Variants in COL4A2 observed in about 807,000 individuals in gnomAD.
COL4A2 encodes the protein collagen type IV alpha 2 chain.
In COL4A2, 99 loss-of-function variants were observed where a neutral mutation model predicts 200.2. The ratio of observed to expected loss-of-function variants is 0.49; its 90% CI spans 0.42 to 0.58. COL4A2 has a LOEUF of 0.58. COL4A2 is among the 20% of genes least tolerant of loss of function. COL4A2 has a pLI of 0.00. For missense variants in COL4A2, 1,950 were observed against 2,314.1 expected, an observed-to-expected ratio of 0.84 and a Z score of 3.23; for synonymous variants, 897 against 900.6, an observed-to-expected ratio of 1.00 and a Z score of 0.07.
Position 110,503,917 on chromosome 13 carries a change from A to G in COL4A2, c.4209A>G (p.Thr1403=), listed in dbSNP as rs1883746258. The stretch of plus-strand genomic sequence containing the variant: ...AGAAGATTGCCGTCCAACCAGGGAC[A>G]GTGGGTCCCCAGGGGAGGCGAGGCC... ...IPQKIAVQPG[T]VGPQGRRGPP... Residue 1403 remains threonine (T), a synonymous_variant, in exon 44 of 48, where the codon ACA becomes ACG. Transcript: ENST00000360467. The G allele has an allele frequency of 6.2e-7, 1 of 1,610,832 alleles. No homozygotes were observed. Among genetic ancestry groups the G allele is most frequent in the Non-Finnish European group, 8.5e-7 (1 of 1,177,748 alleles).
At chr13:110,325,429 TCAGA>T (rs776824848) in intron 3 of COL4A2, among the ~76,000 whole-genome samples, 1 of 152,338 alleles carries the variant, frequency 6.6e-6, no homozygotes, top group East Asian at 1.9e-4. Context: ...AAAACATCTC[TCAGA>T]CAGAGTCCTT....
In COL4A2 at chr13:110,390,523, G is replaced by A. The variant is rs568045961; in HGVS notation, c.180+32971G>A. Among the ~76,000 whole-genome samples, 4 of 152,312 alleles carry A rather than the reference G, an allele frequency of 2.6e-5. No homozygotes were observed. In the South Asian group the frequency reaches 6.2e-4, roughly 24 times the overall value. ...TGCCATGGGTGAGGAGCAGAACCTG[G>A]TCCACACTCACTCTGGTAAACTGAC... On this transcript the variant is annotated intron_variant, in intron 4 of 47. Transcript: ENST00000360467.
At chr13:110,337,283 C>T (rs1286014211) in intron 3 of COL4A2, among the ~76,000 whole-genome samples, 1 of 152,276 alleles carries the variant, frequency 6.6e-6, no homozygotes, top group African/African-American at 2.4e-5. Context: ...CCACTGGGCT[C>T]GTGTGAAGGA....
intron 4 of COL4A2, among the ~76,000 whole-genome samples, chr13:110,365,888 C>A (rs9515197): frequency 0.4 from 60,734 of 152,072 alleles, 12,262 homozygotes; most frequent in Middle Eastern, 0.56. Flanking sequence ...TCCAAAGCTC[C>A]ACACTCCATC....
At chr13:110,434,253 C>T (rs1028185324) in intron 11 of COL4A2, 148 bp from the exon 12 acceptor site, 2 of 686,630 alleles carry the variant, frequency 2.9e-6, no homozygotes, top group Non-Finnish European at 4.9e-6. Context: ...TTAGTTTCTA[C>T]AATGCAAAGC....
chr13:110,430,353 A>C (rs1880629311), intron 8 of COL4A2, 48 bp from the exon 9 acceptor site: 2 of 1,598,266 alleles, frequency 1.3e-6, no homozygotes, highest in South Asian at 2.3e-5. Context: ...AAGTAAATCT[A>C]AAGATGGTTA....
chr13:110,430,780 T>C, intron 10 of COL4A2, 173 bp downstream of exon 10: 1 of 943,448 alleles, frequency 1.1e-6, no homozygotes, highest in Non-Finnish European at 1.7e-6. Context: ...ACTTTGCTGC[T>C]GTTAAGGTTG....
At chr13:110,407,512 T>TA (rs1482299811) in intron 4 of COL4A2, among the ~76,000 whole-genome samples, 2 of 152,186 alleles carry the variant, frequency 1.3e-5, no homozygotes, top group Non-Finnish European at 1.5e-5. Flanking sequence ...CGACCCGAGT[T>TA]TCACTCTGCA....
intron 3 of COL4A2, among the ~76,000 whole-genome samples, chr13:110,348,656 A>AT (rs5806851): frequency 1.4e-4 from 21 of 149,432 alleles, no homozygotes; most frequent in African/African-American, 4.9e-4. Context: ...AATTGTATAG[A>AT]TTTTTTTTTT....
chr13:110,348,807 T>C (rs78765562), intron 3 of COL4A2, among the ~76,000 whole-genome samples: 5,966 of 152,284 alleles, frequency 0.039, 257 homozygotes, highest in African/African-American at 0.11. Flanking sequence ...CTAGGCACAA[T>C]CCAATCGTCA....
intron 3 of COL4A2, among the ~76,000 whole-genome samples, chr13:110,355,032 CATTG>C (rs1292345137): frequency 6.6e-6 from 1 of 152,248 alleles, no homozygotes; most frequent in African/African-American, 2.4e-5. Flanking sequence ...CCTGTTTAGT[CATTG>C]ACACGTAACT....
intron 41 of COL4A2, among the ~76,000 whole-genome samples, chr13:110,502,234 A>G (rs922426605): frequency 2.6e-5 from 4 of 152,226 alleles, no homozygotes; most frequent in African/African-American, 9.6e-5. Context: ...GCTGAAAGCA[A>G]CCCGAGTGTC....
chr13:110,429,491 C>T lies in COL4A2; in HGVS notation c.478-394C>T, dbSNP rs140666004. The T allele has an allele frequency of 7.7e-4, 138 of 179,644 alleles. 1 individual carries two copies. The highest frequency in any genetic ancestry group is 3.1e-3 in the African/African-American group (131 of 41,756). The allele number at this position is 179,644 out of a possible 1,614,324, so 11.1% of individuals were successfully genotyped here. On this transcript the variant is annotated intron_variant, in intron 7 of 47. Coordinates refer to ENST00000360467, the MANE Select transcript of COL4A2 (RefSeq NM_001846.4). Reference sequence around the variant, plus strand: ...ACAATTCCAATTTTAAAGAATGACCCAGTATCTATTCTGCAAATGGGTGCT... The same window carrying T: ...ACAATTCCAATTTTAAAGAATGACCTAGTATCTATTCTGCAAATGGGTGCT...
chr13:110,477,876 C>T (rs1223477103), intron 29 of COL4A2, 127 bp from the exon 30 acceptor site: 2 of 960,346 alleles, frequency 2.1e-6, no homozygotes, highest in East Asian at 3.0e-5. Flanking sequence ...TTTGTGTTTT[C>T]CTGATTCTCT....
Position 110,467,045 on chromosome 13 carries a change from A to G in COL4A2, c.2044A>G (p.Ile682Val), listed in dbSNP as rs761867026. The G allele has an allele frequency of 2.7e-5, 44 of 1,613,840 alleles. No homozygotes were observed. Among genetic ancestry groups the G allele is most frequent in the Admixed American group, 1.7e-5 (1 of 59,986 alleles). The change falls in exon 27 of 48, where the codon ATA becomes GTA. Residue 682 changes from isoleucine to valine, a missense_variant. By Grantham distance (29) the Ile-to-Val change is conservative (BLOSUM62 3). Coordinates refer to ENST00000360467, the MANE Select transcript of COL4A2 (RefSeq NM_001846.4). ...DRQEAIQPGCIGGPKGLPGLP... is the reference protein window; with the variant it reads ...DRQEAIQPGCVGGPKGLPGLP... ...TTTCTCCTTTCTGTCCCCAGGTTGC[A>G]TAGGAGGGCCCAAGGGATTGCCAGG...
At chr13:110,353,773 A>T (rs1231856968) in intron 3 of COL4A2, among the ~76,000 whole-genome samples, 1 of 152,240 alleles carries the variant, frequency 6.6e-6, no homozygotes, top group Non-Finnish European at 1.5e-5. Flanking sequence ...GGGAACACAC[A>T]TACACACATG....
intron 4 of COL4A2, among the ~76,000 whole-genome samples, chr13:110,374,107 C>T (rs11619822): frequency 0.12 from 18,272 of 152,148 alleles, 1,195 homozygotes; most frequent in African/African-American, 0.14. Flanking sequence ...AAGGAGAAAA[C>T]GATGGCCCGT....
At chr13:110,328,721 G>C (rs1875761899) in intron 3 of COL4A2, among the ~76,000 whole-genome samples, 1 of 152,214 alleles carries the variant, frequency 6.6e-6, no homozygotes, top group Admixed American at 6.5e-5. Flanking sequence ...AGCAGACAGA[G>C]AGATGACGCC....
chr13:110,322,006 G>T (rs184801827), intron 3 of COL4A2, among the ~76,000 whole-genome samples: 1 of 152,368 alleles, frequency 6.6e-6, no homozygotes, highest in East Asian at 1.9e-4. Flanking sequence ...ATGCATCCAT[G>T]TTGTAGTGAG....
Sources: gnomAD v4.1 joint callset for allele counts (sites outside exome capture counted in the v4.1 genomes callset) on GRCh38, gnomAD v4.1.1 for gene constraint, MANE v1.5 for transcripts, NCBI Gene and HGNC (gene_info 2026-07-23, HGNC 2026-07-21) for gene names.